DOCK10: variants seen among roughly 807,000 people sequenced by gnomAD.
DOCK10 encodes dedicator of cytokinesis 10.
A neutral mutation model predicts 280.1 loss-of-function variants in DOCK10; 145 were observed. The ratio of observed to expected loss-of-function variants is 0.52; its 90% CI spans 0.45 to 0.59. DOCK10 has a LOEUF of 0.59. DOCK10 is among the 20% of genes least tolerant of loss of function. The pLI is 0.00. For synonymous variants in DOCK10, 915 were observed against 942.2 expected (o/e 0.97, Z 0.53); for missense variants, 2,368 against 2,651.7 (o/e 0.89, Z 2.35).
chr2:224,898,215 G>A (rs901173560), intron 3 of DOCK10, among the ~76,000 whole-genome samples: 1 of 152,124 alleles, frequency 6.6e-6, no homozygotes, highest in Non-Finnish European at 1.5e-5. Flanking sequence ...CATGAAAAAC[G>A]CAGGGCGAGG....
In DOCK10 at chr2:224,807,542, C is replaced by T. The variant is rs1693474089; in HGVS notation, c.3702+126G>A. ...ATGACACATTGATGTGAGTACATAG[C>T]AGAAAGTGTTGTTCAATGCCTAGTA... On this transcript the variant is annotated intron_variant, in intron 33 of 55. Coordinates refer to ENST00000258390, the MANE Select transcript of DOCK10 (RefSeq NM_014689.3). 5 of 640,772 alleles carry T rather than the reference C, an allele frequency of 7.8e-6. No individual in the cohort carries two copies. The South Asian group carries it at 1.0e-4, about 13-fold the overall frequency. The allele number at this position is 640,772 out of a possible 1,614,324, so 39.7% of individuals were successfully genotyped here.
intron 1 of DOCK10, among the ~76,000 whole-genome samples, chr2:224,986,915 G>T (rs1044796188): frequency 6.6e-5 from 10 of 152,122 alleles, no homozygotes; most frequent in African/African-American, 2.4e-4. Flanking sequence ...CCTCCTCGGA[G>T]AAAGGCTCTT....
intron 1 of DOCK10, among the ~76,000 whole-genome samples, chr2:225,037,893 G>A (rs183632889): frequency 6.6e-6 from 1 of 152,202 alleles, no homozygotes; most frequent in Admixed American, 6.5e-5. Flanking sequence ...TTTCTCCAAT[G>A]CCCTTGAGAA....
At chr2:224,804,286 C>T (rs1223300252) in intron 38 of DOCK10, 73 bp from the exon 39 acceptor site, 17 of 808,726 alleles carry the variant, frequency 2.1e-5, no homozygotes, top group Non-Finnish European at 2.9e-5. Flanking sequence ...TGGCAACTGA[C>T]AAAACGATTA....
intron 2 of DOCK10, among the ~76,000 whole-genome samples, chr2:224,921,590 G>C (rs1250175463): frequency 6.6e-6 from 1 of 152,062 alleles, no homozygotes; most frequent in Non-Finnish European, 1.5e-5. Flanking sequence ...AAATGATGTT[G>C]ACTTTTTACT....
At chr2:224,880,983 G>C (rs1698942947) in intron 7 of DOCK10, among the ~76,000 whole-genome samples, 1 of 152,058 alleles carries the variant, frequency 6.6e-6, no homozygotes, top group Non-Finnish European at 1.5e-5. Flanking sequence ...AAATTAAATG[G>C]GTACCTCCTA....
intron 1 of DOCK10, among the ~76,000 whole-genome samples, chr2:224,985,837 T>G (rs1269449921): frequency 6.9e-6 from 1 of 145,478 alleles, no homozygotes; most frequent in Non-Finnish European, 1.5e-5. Flanking sequence ...TGGCTGTACA[T>G]GTTGATATAT....
intron 18 of DOCK10, among the ~76,000 whole-genome samples, chr2:224,851,458 TAAAA>T (rs765444040): frequency 3.6e-5 from 5 of 139,506 alleles, no homozygotes; most frequent in Middle Eastern, 3.8e-3. Flanking sequence ...TTTTTTTTTT[TAAAA>T]AAAAAAAAAA....
rs562847490 is a variant in DOCK10 at position 224,860,051 on chromosome 2, G to T, written c.1685+2613C>A. Among the ~76,000 whole-genome samples, 3 of 152,304 alleles carry T rather than the reference G, an allele frequency of 2.0e-5. No individual in the cohort carries two copies. In the East Asian group the frequency reaches 5.8e-4, roughly 29 times the overall value. On this transcript the variant is annotated intron_variant, in intron 14 of 55. Transcript: ENST00000258390. ...ATCACATATGTATATACACAGGTTG[G>T]TGGTGTTTCCTAACCTACAACCAGA...
chr2:224,870,050 C>T (rs1698168708), intron 11 of DOCK10, among the ~76,000 whole-genome samples: 1 of 152,184 alleles, frequency 6.6e-6, no homozygotes, highest in Admixed American at 6.5e-5. Flanking sequence ...TCATAATCCT[C>T]ACATGTCATA....
intron 1 of DOCK10, among the ~76,000 whole-genome samples, chr2:225,008,541 T>C (rs1689342676): frequency 6.6e-6 from 1 of 152,220 alleles, no homozygotes; most frequent in South Asian, 2.1e-4. Flanking sequence ...AACCAAAATA[T>C]CACTGGGTAA....
chr2:224,921,572 T>C (rs1701756254), intron 2 of DOCK10, among the ~76,000 whole-genome samples: 1 of 152,156 alleles, frequency 6.6e-6, no homozygotes, highest in South Asian at 2.1e-4. Flanking sequence ...TGGTGGTCTC[T>C]TGTTATAAAA....
At chr2:224,933,987 C>T (rs764211469) in intron 1 of DOCK10, among the ~76,000 whole-genome samples, 2 of 152,072 alleles carry the variant, frequency 1.3e-5, no homozygotes, top group African/African-American at 2.4e-5. Context: ...AAATCAATCC[C>T]ACCTAAATTA....
rs71281764 is a variant in DOCK10 at position 224,960,730 on chromosome 2, CTTTTTTTTT to C, written c.124-29071_124-29063del. ...TGCACAATGAACGCATCACCAAATT[CTTTTTTTTT>C]TTTTTTTTTTTTTTTTTTGAGATGG... On this transcript the variant is annotated intron_variant, in intron 1 of 55. Coordinates refer to ENST00000258390, the MANE Select transcript of DOCK10 (RefSeq NM_014689.3). Among the ~76,000 whole-genome samples, 208 of 70,242 alleles carry C rather than the reference CTTTTTTTTT, an allele frequency of 3.0e-3. 3 individuals are homozygous for C. Among genetic ancestry groups the C allele is most frequent in the Non-Finnish European group, 4.7e-3 (179 of 37,688 alleles). 46.1% of individuals were successfully genotyped at this position (70,242 alleles called of 152,430 possible).
At chr2:225,004,861 C>T (rs887223861) in intron 1 of DOCK10, among the ~76,000 whole-genome samples, 9 of 152,218 alleles carry the variant, frequency 5.9e-5, no homozygotes, top group Non-Finnish European at 2.9e-5. Context: ...TGTGGCTCAG[C>T]CTCCCAGCTC....
chr2:224,936,696 G>A (rs1048697441), intron 1 of DOCK10, among the ~76,000 whole-genome samples: 19 of 152,176 alleles, frequency 1.2e-4, no homozygotes, highest in Non-Finnish European at 2.1e-4. Context: ...TAAATTTAAA[G>A]AGAAAACATT....
At chr2:224,915,347 T>G (rs896369349) in intron 3 of DOCK10, among the ~76,000 whole-genome samples, 9 of 152,224 alleles carry the variant, frequency 5.9e-5, no homozygotes, top group Non-Finnish European at 1.0e-4. Flanking sequence ...TTTTTATCAG[T>G]AAATGTGAAA....
intron 30 of DOCK10, among the ~76,000 whole-genome samples, chr2:224,816,094 A>T (rs572571784): frequency 5.9e-5 from 9 of 152,074 alleles, no homozygotes; most frequent in African/African-American, 2.2e-4. Flanking sequence ...TAGTTTACTC[A>T]TTGGTTGGTA....
At chr2:224,841,534 C>T (rs879537792) in intron 23 of DOCK10, among the ~76,000 whole-genome samples, 5 of 151,912 alleles carry the variant, frequency 3.3e-5, no homozygotes, top group Admixed American at 1.3e-4. Flanking sequence ...TGCAAGGACT[C>T]GTGATTTAAT....
Sources: allele counts gnomAD v4.1 joint callset (sites outside exome capture counted in the v4.1 genomes callset), GRCh38; gene constraint gnomAD v4.1.1; transcripts MANE v1.5; gene names NCBI Gene and HGNC (gene_info 2026-07-23, HGNC 2026-07-21).